DENND1B: variants seen among roughly 807,000 people sequenced by gnomAD.
DENND1B encodes the protein DENN domain-containing protein 1B.
A neutral mutation model predicts 90.1 loss-of-function variants in DENND1B; 59 were observed. That is an observed-to-expected ratio of 0.65 (90% CI 0.53 to 0.81). The LOEUF is 0.81. DENND1B is among the 40% of genes least tolerant of loss of function. The pLI is 0.00. For synonymous variants in DENND1B, 337 were observed against 324.6 expected (o/e 1.04, Z -0.41); for missense variants, 862 against 912.6 (o/e 0.94, Z 0.71).
intron 2 of DENND1B, chr1:197,734,798 T>C: frequency 2.0e-6 from 2 of 983,428 alleles, no homozygotes; most frequent in Non-Finnish European, 2.4e-6. Flanking sequence ...AACATAAATA[T>C]GCTTTTTTTT....
In DENND1B at chr1:197,770,774, A is replaced by C. The variant is rs868832222; in HGVS notation, c.82+2094T>G. Among the ~76,000 whole-genome samples, 220 of 141,544 alleles carry C rather than the reference A, an allele frequency of 1.6e-3. 1 individual carries two copies. Among genetic ancestry groups the C allele is most frequent in the South Asian group, 0.014 (63 of 4,566 alleles). The allele number at this position is 141,544 out of a possible 152,430, so 92.9% of individuals were successfully genotyped here. A position where few individuals can be genotyped will look rare whatever the true frequency, so the allele number is the denominator to read the frequency against. On this transcript the variant is annotated intron_variant, in intron 2 of 22. Transcript: ENST00000620048. ...TATAAATATATATAAATATATATCT[A>C]TAAATATATAAATATATATCTATAA...
intron 5 of DENND1B, among the ~76,000 whole-genome samples, chr1:197,661,909 G>A (rs1654443363): frequency 6.6e-6 from 1 of 151,854 alleles, no homozygotes; most frequent in Non-Finnish European, 1.5e-5. Context: ...TTATCTGTAA[G>A]ACTATATCCT....
chr1:197,734,268 T>C, intron 2 of DENND1B: 1 of 921,580 alleles, frequency 1.1e-6, no homozygotes, highest in South Asian at 5.0e-5. Flanking sequence ...ATCTGTAAAT[T>C]TTTTAACCTG....
intron 5 of DENND1B, among the ~76,000 whole-genome samples, chr1:197,669,924 G>C (rs1236130871): frequency 6.6e-6 from 1 of 151,954 alleles, no homozygotes; most frequent in East Asian, 1.9e-4. Context: ...ATTTTCTGCA[G>C]GTTAAAAACT....
At chr1:197,571,498 CT>C (rs1673149238) in intron 15 of DENND1B, among the ~76,000 whole-genome samples, 1 of 152,142 alleles carries the variant, frequency 6.6e-6, no homozygotes, top group African/African-American at 2.4e-5. Context: ...AAACTGATTC[CT>C]TCTTTAGACG....
At chr1:197,706,226 A>T (rs1659520648) in intron 3 of DENND1B, among the ~76,000 whole-genome samples, 1 of 152,208 alleles carries the variant, frequency 6.6e-6, no homozygotes, top group Non-Finnish European at 1.5e-5. Flanking sequence ...ATTTGAAGAC[A>T]TAAGAAAGGA....
At chr1:197,650,822 C>T (rs867375360) in intron 7 of DENND1B, among the ~76,000 whole-genome samples, 79 of 151,888 alleles carry the variant, frequency 5.2e-4, no homozygotes, top group African/African-American at 1.8e-3. Flanking sequence ...GCTATGAGGA[C>T]GCAAAAGCAT....
At chr1:197,672,322 A>G (rs77947655) in intron 4 of DENND1B, among the ~76,000 whole-genome samples, 166 bp from the exon 5 acceptor site, 1,689 of 152,184 alleles carry the variant, frequency 0.011, 32 homozygotes, top group African/African-American at 0.038. Flanking sequence ...TGAAACTTGT[A>G]AAGTAAACAC....
chr1:197,608,133 C>T (rs535898239), intron 12 of DENND1B, among the ~76,000 whole-genome samples: 125 of 150,622 alleles, frequency 8.3e-4, no homozygotes, highest in Admixed American at 1.4e-3. Flanking sequence ...CACTTAAAAT[C>T]TTATTATTAC....
intron 21 of DENND1B, 68 bp downstream of exon 21, chr1:197,512,803 C>T (rs1341918830): frequency 6.9e-7 from 1 of 1,447,822 alleles, no homozygotes; most frequent in Non-Finnish European, 9.6e-7. Flanking sequence ...TTTGAAATAC[C>T]CTTTATCACC....
chr1:197,681,150 T>TA (rs1312403427), intron 3 of DENND1B, among the ~76,000 whole-genome samples: 1 of 152,258 alleles, frequency 6.6e-6, no homozygotes, highest in East Asian at 1.9e-4. Flanking sequence ...TGAAAAGCAT[T>TA]ATACTGAATA....
intron 5 of DENND1B, among the ~76,000 whole-genome samples, chr1:197,659,300 G>C (rs1297785739): frequency 4.6e-5 from 7 of 151,592 alleles, no homozygotes; most frequent in Admixed American, 4.6e-4. Context: ...ATTCTAACAG[G>C]ATTTTTTTTC....
chr1:197,505,580 T>G lies in DENND1B; in HGVS notation c.*4880A>C, dbSNP rs1420386667. ...TGCTCTTCAGTACCTTGCTTTATTA[T>G]TATTTTTTTGGTATGTCTGCATGTT... On this transcript the variant is annotated 3_prime_UTR_variant, in exon 23 of 23. Coordinates refer to ENST00000620048, the MANE Select transcript of DENND1B (RefSeq NM_001195215.2). 6.6e-6 allele frequency: 1 copy of G among 151,682 alleles called. No individual in the cohort carries two copies. Among genetic ancestry groups the G allele is most frequent in the Non-Finnish European group, 1.5e-5 (1 of 67,742 alleles). The allele number at this position is 151,682 out of a possible 1,614,324, so 9.4% of individuals were successfully genotyped here.
At chr1:197,607,252 CAT>C in intron 12 of DENND1B, 78 bp from the exon 13 acceptor site, 1 of 997,338 alleles carries the variant, frequency 1.0e-6, no homozygotes, top group Non-Finnish European at 1.4e-6. Flanking sequence ...AAACAGAAAA[CAT>C]TATCTTAATG....
At chr1:197,704,031 C>T (rs1659287316) in intron 3 of DENND1B, among the ~76,000 whole-genome samples, 1 of 152,112 alleles carries the variant, frequency 6.6e-6, no homozygotes, top group Non-Finnish European at 1.5e-5. Flanking sequence ...ATCACTTGAA[C>T]CCAGGAGTTC....
At chr1:197,620,360 A>T (rs572475712) in intron 10 of DENND1B, among the ~76,000 whole-genome samples, 2 of 151,482 alleles carry the variant, frequency 1.3e-5, no homozygotes, top group African/African-American at 4.8e-5. Flanking sequence ...GGGCTCTGCC[A>T]CCAACAAGCC....
chr1:197,719,823 T>C (rs973006527), intron 2 of DENND1B, among the ~76,000 whole-genome samples: 1 of 152,190 alleles, frequency 6.6e-6, no homozygotes, highest in Non-Finnish European at 1.5e-5. Flanking sequence ...ATTAATATTA[T>C]ATATTATACC....
chr1:197,535,152 C>A (rs1669784154), intron 20 of DENND1B, among the ~76,000 whole-genome samples: 2 of 152,130 alleles, frequency 1.3e-5, no homozygotes, highest in Admixed American at 1.3e-4. Context: ...GTAAGTGGCT[C>A]AATTCTCAGG....
chr1:197,687,310 T>C (rs375753981), intron 3 of DENND1B, among the ~76,000 whole-genome samples: 2 of 152,302 alleles, frequency 1.3e-5, no homozygotes, highest in East Asian at 3.9e-4. Context: ...AGTAAAGTGC[T>C]TGGGGCAGCA....
Sources: gnomAD v4.1 joint callset for allele counts (sites outside exome capture counted in the v4.1 genomes callset) on GRCh38, gnomAD v4.1.1 for gene constraint, MANE v1.5 for transcripts, NCBI Gene and HGNC (gene_info 2026-07-23, HGNC 2026-07-21) for gene names.